SYNE2: variants seen among roughly 807,000 people sequenced by gnomAD.
The protein encoded by SYNE2 is spectrin repeat containing nuclear envelope protein 2, also known as nesprin-2.
A neutral mutation model predicts 856.3 loss-of-function variants in SYNE2; 431 were observed. The observed-to-expected ratio is 0.50, with a 90% CI of 0.47 to 0.55. SYNE2 has a LOEUF of 0.55. Among genes scored for constraint, SYNE2 ranks in the 20% least tolerant of loss-of-function variants. The pLI, the probability that SYNE2 is intolerant of heterozygous loss-of-function variation, is 0.00. For missense variants in SYNE2, 8,129 were observed against 8,023.2 expected, an observed-to-expected ratio of 1.01 and a Z score of -0.50; for synonymous variants, 2,923 against 2,872.3, an observed-to-expected ratio of 1.02 and a Z score of -0.56.
intron 102 of SYNE2, 178 bp from the exon 103 acceptor site, chr14:64,209,764 A>G: frequency 3.6e-6 from 4 of 1,122,860 alleles, no homozygotes; most frequent in African/African-American, 1.5e-5. Flanking sequence ...TCCAGCTGCT[A>G]TGTAATGAAC....
At chr14:64,224,381 G>T (rs1152585) in intron 113 of SYNE2, 80 bp from the exon 114 acceptor site, 2 of 1,170,254 alleles carry the variant, frequency 1.7e-6, no homozygotes, top group East Asian at 2.3e-5. Context: ...ATTGATTTAA[G>T]GTAGGGGAGG....
rs2098648651 is a variant in SYNE2, at chr14:64,212,913, A to G, written c.18964A>G (p.Ile6322Val). Residue 6322 changes from isoleucine (I) to valine (V), a missense_variant, in exon 105 of 116, where the codon ATT becomes GTT. By Grantham distance (29) the Ile-to-Val change is conservative (BLOSUM62 3). Around this residue, in one of 3 missense-constraint regions of SYNE2, gnomAD observed 5,410 missense variants for 5,284.8 expected, o/e 1.02. Coordinates refer to ENST00000555002, the MANE Select transcript of SYNE2 (RefSeq NM_182914.3). ...QKSEPLDAVLIEDELEELHRY... is the reference protein window; with the variant it reads ...QKSEPLDAVLVEDELEELHRY... ...GAGCGAGCCCCTGGATGCTGTGCTG[A>G]TTGAGGATGAGCTGGAGGAACTCCA... The G allele has an allele frequency of 6.2e-7, 1 of 1,614,178 alleles. No individual in the cohort carries two copies. Among genetic ancestry groups the G allele is most frequent in the Non-Finnish European group, 8.5e-7 (1 of 1,180,042 alleles).
intron 1 of SYNE2, among the ~76,000 whole-genome samples, chr14:63,889,308 T>A (rs2095073364): frequency 6.6e-6 from 1 of 152,022 alleles, no homozygotes; most frequent in African/African-American, 2.4e-5. Context: ...ATATCTAACT[T>A]ACAGTATTTT....
chr14:64,181,813 C>G (rs768654961), intron 96 of SYNE2, among the ~76,000 whole-genome samples: 1 of 152,192 alleles, frequency 6.6e-6, no homozygotes, highest in South Asian at 2.1e-4. Flanking sequence ...AATTTCCTTA[C>G]ATATATGTTT....
At chr14:64,037,927 GCCGGGCGGGGGGCTGA>G (rs1308225271) in intron 45 of SYNE2, among the ~76,000 whole-genome samples, 1 of 151,586 alleles carries the variant, frequency 6.6e-6, no homozygotes, top group Admixed American at 6.6e-5. Flanking sequence ...CGGGCGGCTG[GCCGGGCGGGGGGCTGA>G]CCCCCCCACC....
intron 45 of SYNE2, among the ~76,000 whole-genome samples, chr14:64,046,017 A>G (rs2097183746): frequency 6.6e-6 from 1 of 152,230 alleles, no homozygotes; most frequent in Non-Finnish European, 1.5e-5. Context: ...CACAAATTTG[A>G]TACCTCAAAG....
intron 63 of SYNE2, among the ~76,000 whole-genome samples, chr14:64,100,911 C>T (rs1004246933): frequency 4.6e-5 from 7 of 150,866 alleles, no homozygotes; most frequent in African/African-American, 1.5e-4. Flanking sequence ...GGTATGTGTC[C>T]TTCTGTGCCT....
At chr14:64,165,918 G>A (rs1425486847) in intron 90 of SYNE2, among the ~76,000 whole-genome samples, 2 of 152,102 alleles carry the variant, frequency 1.3e-5, no homozygotes, top group East Asian at 1.9e-4. Flanking sequence ...TTAGTAATAC[G>A]TCAGAGTAAT....
intron 1 of SYNE2, among the ~76,000 whole-genome samples, chr14:63,845,539 A>T (rs1221132643): frequency 6.6e-6 from 1 of 151,786 alleles, no homozygotes; most frequent in Non-Finnish European, 1.5e-5. Context: ...TTGATTAATT[A>T]GTGGTCTGTC....
chr14:64,053,291 T>G lies in SYNE2; in HGVS notation c.9378T>G (p.Asn3126Lys). ...KEKEILQIKL[N>K]AEENDKLYKV... is the part of the protein sequence containing the mutation. The stretch of plus-strand genomic sequence containing the variant: ...AAGAAATACTACAAATAAAGCTGAA[T>G]GCAGAAGAAAATGATAAGTTATACA... Residue 3126 changes from asparagine to lysine, a missense_variant, in exon 48 of 116, where the codon AAT (asparagine) becomes AAG (lysine). This residue lies in a region of SYNE2 where 5,410 missense variants were observed against 5,284.8 expected (regional missense o/e 1.02). Coordinates refer to ENST00000555002, the MANE Select transcript of SYNE2 (RefSeq NM_182914.3). 6.2e-7 allele frequency: 1 copy of G among 1,608,378 alleles called. No homozygotes were observed. Among genetic ancestry groups the G allele is most frequent in the Non-Finnish European group, 8.5e-7 (1 of 1,178,474 alleles).
chr14:63,776,701 G>A (rs1427901486), intron 1 of SYNE2, among the ~76,000 whole-genome samples: 2 of 150,328 alleles, frequency 1.3e-5, no homozygotes, highest in South Asian at 2.1e-4. Context: ...CTGGGTTCTA[G>A]TGATTCTCCT....
intron 61 of SYNE2, among the ~76,000 whole-genome samples, chr14:64,096,987 A>C (rs956480398): frequency 3.3e-5 from 5 of 152,172 alleles, no homozygotes; most frequent in Non-Finnish European, 7.4e-5. Flanking sequence ...CTGATGCAGT[A>C]CTCACTTCAG....
intron 59 of SYNE2, 112 bp from the exon 60 acceptor site, chr14:64,090,754 T>C (rs1317434139): frequency 1.0e-6 from 1 of 992,650 alleles, no homozygotes; most frequent in Non-Finnish European, 1.5e-6. Flanking sequence ...TAAGAAATTA[T>C]TTTAAAAATG....
At chr14:64,049,057 C>T (rs2097206001) in intron 46 of SYNE2, 1 of 151,988 alleles carries the variant, frequency 6.6e-6, no homozygotes, top group Non-Finnish European at 1.5e-5. Flanking sequence ...TATTGCAGAA[C>T]TCTTTAAGAT....
intron 99 of SYNE2, among the ~76,000 whole-genome samples, chr14:64,198,497 T>C (rs1043830339): frequency 6.6e-6 from 1 of 152,218 alleles, no homozygotes; most frequent in African/African-American, 2.4e-5. Flanking sequence ...AGTTGTTACC[T>C]GATGATCAGA....
At position 64,225,589 on chromosome 14, in the gene SYNE2, C is replaced by A. The variant is rs1038910644; in HGVS notation, c.*63C>A. 1.9e-6 allele frequency: 3 copies of A among 1,545,374 alleles called. No homozygotes were observed. The highest frequency in any genetic ancestry group is 1.8e-5 in the Admixed American group (1 of 56,606). On this transcript the variant is annotated 3_prime_UTR_variant, in exon 116 of 116. Transcript: ENST00000555002. ...ATTGCCAAGGGTGCCCAGCACGTGG[C>A]CCCAGACCAATCTGAGTGACTTAGT...
chr14:63,972,863 C>T (rs1452014609), intron 11 of SYNE2, among the ~76,000 whole-genome samples: 3 of 152,194 alleles, frequency 2.0e-5, no homozygotes, highest in Non-Finnish European at 4.4e-5. Flanking sequence ...CTTAGCCTCT[C>T]TTTAACTCAA....
At chr14:63,967,071 G>T (rs559570578) in intron 10 of SYNE2, among the ~76,000 whole-genome samples, 2 of 151,970 alleles carry the variant, frequency 1.3e-5, no homozygotes, top group Admixed American at 1.3e-4. Context: ...TCATCATGTT[G>T]GCCAGGATGG....
intron 96 of SYNE2, among the ~76,000 whole-genome samples, chr14:64,180,625 T>A (rs1193070041): frequency 6.6e-6 from 1 of 151,902 alleles, no homozygotes; most frequent in Non-Finnish European, 1.5e-5. Context: ...TGCCTCAGCC[T>A]CCCAAGTAGC....
Sources: gnomAD v4.1 joint callset for allele counts (sites outside exome capture counted in the v4.1 genomes callset) on GRCh38, gnomAD v4.1.1 for gene constraint, gnomAD v4.1.1 regional missense constraint, MANE v1.5 for transcripts, NCBI Gene and HGNC (gene_info 2026-07-23, HGNC 2026-07-21) for gene names.